TUFT1: variants seen among roughly 807,000 people sequenced by gnomAD.
TUFT1 encodes tuftelin.
In TUFT1, 43 loss-of-function variants were observed where a neutral mutation model predicts 57.8. The observed-to-expected ratio is 0.74, with a 90% CI of 0.58 to 0.96. TUFT1 has a LOEUF of 0.96. Among genes scored for constraint, TUFT1 ranks in the 40% least tolerant of loss-of-function variants. The pLI is 0.00. For synonymous variants in TUFT1, 166 were observed against 176.7 expected (o/e 0.94, Z 0.48); for missense variants, 459 against 489.0 (o/e 0.94, Z 0.58).
At chr1:151,576,993 C>T (rs1666488204) in intron 9 of TUFT1, among the ~76,000 whole-genome samples, 1 of 152,016 alleles carries the variant, frequency 6.6e-6, no homozygotes, top group Middle Eastern at 3.2e-3. Flanking sequence ...AGGCTGGTCT[C>T]GAACTCCTGG....
chr1:151,568,120 C>T (rs552401418), intron 6 of TUFT1, among the ~76,000 whole-genome samples: 12 of 151,846 alleles, frequency 7.9e-5, no homozygotes, highest in South Asian at 2.1e-4. Context: ...TTTTTGCATT[C>T]GGTGTTTTTG....
At position 151,575,131 on chromosome 1, in the gene TUFT1, GCT is replaced by G. The variant is rs1426505730; in HGVS notation, c.818+129_818+130del. On this transcript the variant is annotated intron_variant, in intron 9 of 12. Transcript: ENST00000368849. ...GCTGGTGCTGATGTCAGATCTTCCA[GCT>G]CTGACTCACCGTGAGCTTGCTCAGG... 3 of 830,200 alleles carry G rather than the reference GCT, an allele frequency of 3.6e-6. No homozygotes were observed. In the African/African-American group the frequency reaches 5.1e-5, roughly 14 times the overall value. 51.4% of individuals were successfully genotyped at this position (830,200 alleles called of 1,614,324 possible). A position where few individuals can be genotyped will look rare whatever the true frequency, so the allele number is the denominator to read the frequency against.
intron 6 of TUFT1, among the ~76,000 whole-genome samples, chr1:151,567,174 A>G (rs375788005): frequency 6.6e-6 from 1 of 152,050 alleles, no homozygotes; most frequent in African/African-American, 2.4e-5. Flanking sequence ...TGCTGGGATT[A>G]TAGGCATGAG....
intron 1 of TUFT1, 141 bp downstream of exon 1, chr1:151,540,567 T>C: frequency 1.1e-6 from 1 of 919,414 alleles, no homozygotes. Flanking sequence ...CTTCTCTCTT[T>C]TTATTCTTTT....
chr1:151,568,754 A>G (rs1338791904), intron 6 of TUFT1, among the ~76,000 whole-genome samples: 1 of 152,260 alleles, frequency 6.6e-6, no homozygotes, highest in East Asian at 1.9e-4. Flanking sequence ...AACAAATTAT[A>G]ATAACACCTG....
rs572167394 is a variant in TUFT1 at position 151,583,395 on chromosome 1, G to C, written c.*1688G>C. ...AATCCTTAAGTCTGTGTGTTTCTGT[G>C]TCTCAAGACTGGGCTCACATTCTGG... On this transcript the variant is annotated 3_prime_UTR_variant, in exon 13 of 13. Transcript: ENST00000368849. 1 of 152,182 alleles carries C rather than the reference G, an allele frequency of 6.6e-6. No individual in the cohort carries two copies. Among genetic ancestry groups the C allele is most frequent in the Non-Finnish European group, 1.5e-5 (1 of 68,044 alleles). The allele number at this position is 152,182 out of a possible 1,614,324, so 9.4% of individuals were successfully genotyped here. A position where few individuals can be genotyped will look rare whatever the true frequency, so the allele number is the denominator to read the frequency against.
chr1:151,564,704 A>T (rs1666008271), intron 5 of TUFT1, 90 bp downstream of exon 5: 1 of 1,065,458 alleles, frequency 9.4e-7, no homozygotes, highest in African/African-American at 1.6e-5. Flanking sequence ...GTGTGTGCTA[A>T]ATCTAGCATC....
At chr1:151,573,636 C>A (rs550475575) in intron 7 of TUFT1, among the ~76,000 whole-genome samples, 2 of 152,148 alleles carry the variant, frequency 1.3e-5, no homozygotes, top group Admixed American at 1.3e-4. Flanking sequence ...CCCAGCTACT[C>A]GGGAGGCTGA....
At chr1:151,543,506 TAACTTCCTTTGGTTATA>T (rs1334566914) in intron 1 of TUFT1, among the ~76,000 whole-genome samples, 1 of 152,178 alleles carries the variant, frequency 6.6e-6, no homozygotes, top group Non-Finnish European at 1.5e-5. Context: ...ATATTTCCAT[TAACTTCCTTTGGTTATA>T]AACAACAGAG....
rs1665939978 is a variant in TUFT1 at position 151,562,800 on chromosome 1, C to G, written c.237+114C>G. 7.6e-6 allele frequency: 6 copies of G among 793,918 alleles called. No homozygotes were observed. The Middle Eastern group carries it at 1.0e-3, about 133-fold the overall frequency. 49.2% of individuals were successfully genotyped at this position (793,918 alleles called of 1,614,324 possible). A position where few individuals can be genotyped will look rare whatever the true frequency, so the allele number is the denominator to read the frequency against. ...GAGCTTGTGGTTTGATGGAAGGAAC[C>G]AGACCTGAGCTGCTAGTTCCTGGCA... On this transcript the variant is annotated intron_variant, in intron 3 of 12. Transcript: ENST00000368849.
chr1:151,561,989 C>A, intron 1 of TUFT1, 102 bp from the exon 2 acceptor site: 1 of 1,473,958 alleles, frequency 6.8e-7, no homozygotes, highest in Non-Finnish European at 9.4e-7. Context: ...GATGATAAGA[C>A]CCGCTCCACA....
chr1:151,578,243 C>T (rs1283421746), intron 9 of TUFT1, among the ~76,000 whole-genome samples: 1 of 152,162 alleles, frequency 6.6e-6, no homozygotes, highest in African/African-American at 2.4e-5. Context: ...TGACTTATCC[C>T]TTCTAACCTT....
chr1:151,549,476 C>T (rs1665444283), intron 1 of TUFT1, among the ~76,000 whole-genome samples: 1 of 152,208 alleles, frequency 6.6e-6, no homozygotes, highest in Admixed American at 6.5e-5. Flanking sequence ...CTCATCCACC[C>T]TCTTCCCTTG....
At chr1:151,562,959 T>G (rs1035933616) in intron 3 of TUFT1, among the ~76,000 whole-genome samples, 1 of 152,244 alleles carries the variant, frequency 6.6e-6, no homozygotes, top group African/African-American at 2.4e-5. Flanking sequence ...CATGTTTTGC[T>G]GCTAGAGGTT....
chr1:151,571,297 C>T (rs1007897707), intron 7 of TUFT1, among the ~76,000 whole-genome samples: 2 of 152,146 alleles, frequency 1.3e-5, no homozygotes, highest in Non-Finnish European at 2.9e-5. Flanking sequence ...AGTTTAACCT[C>T]TCCAAGCATC....
intron 1 of TUFT1, among the ~76,000 whole-genome samples, chr1:151,542,359 C>A (rs1665194956): frequency 2.0e-5 from 3 of 151,650 alleles, no homozygotes; most frequent in Admixed American, 2.0e-4. Flanking sequence ...GTAGCTGAGA[C>A]TGTAGGCACA....
At chr1:151,560,959 TGTGTG>T (rs1214271518) in intron 1 of TUFT1, among the ~76,000 whole-genome samples, 2,432 of 14,568 alleles carry the variant, frequency 0.17, 73 homozygotes, top group Middle Eastern at 0.25. Context: ...CAAAGTATTG[TGTGTG>T]TGTGTGTGTG....
At chr1:151,558,829 G>C (rs1375308150) in intron 1 of TUFT1, among the ~76,000 whole-genome samples, 1 of 150,706 alleles carries the variant, frequency 6.6e-6, no homozygotes, top group Non-Finnish European at 1.5e-5. Context: ...CTGTTGCCCA[G>C]GCGGGAGTGC....
At chr1:151,555,478 A>G (rs1329315853) in intron 1 of TUFT1, among the ~76,000 whole-genome samples, 1 of 120,606 alleles carries the variant, frequency 8.3e-6, no homozygotes, top group African/African-American at 3.0e-5. Context: ...TTTTTTTTTT[A>G]ACAAAAAAGA....
Sources: allele counts gnomAD v4.1 joint callset (sites outside exome capture counted in the v4.1 genomes callset), GRCh38; gene constraint gnomAD v4.1.1; transcripts MANE v1.5; gene names NCBI Gene and HGNC (gene_info 2026-07-23, HGNC 2026-07-21).